NPNT: variants seen among roughly 807,000 people sequenced by gnomAD.
NPNT encodes nephronectin, also known as preosteoblast EGF-like repeat protein with MAM domain.
Under a neutral mutation model 68.6 loss-of-function variants are expected in NPNT, and 45 were observed. The ratio of observed to expected loss-of-function variants is 0.66; its 90% CI spans 0.52 to 0.84. The LOEUF (loss-of-function observed/expected upper bound fraction) is 0.84. NPNT is among the 40% of genes least tolerant of loss of function. The pLI is 0.00. For synonymous variants in NPNT, 233 were observed against 253.3 expected (o/e 0.92, Z 0.76); for missense variants, 672 against 714.8 (o/e 0.94, Z 0.68).
chr4:105,954,822 C>T (rs906462251), intron 8 of NPNT, among the ~76,000 whole-genome samples: 1 of 152,164 alleles, frequency 6.6e-6, no homozygotes, highest in African/African-American at 2.4e-5. Context: ...TAGCCAGTCC[C>T]TCACTCCCCA....
At chr4:105,960,784 A>G (rs1176295184) in intron 10 of NPNT, among the ~76,000 whole-genome samples, 2 of 149,274 alleles carry the variant, frequency 1.3e-5, no homozygotes, top group South Asian at 2.1e-4. Flanking sequence ...GTGTGTGTGT[A>G]TACAATATAA....
intron 2 of NPNT, chr4:105,912,050 T>A (rs1283371703): frequency 4.6e-6 from 3 of 656,534 alleles, no homozygotes; most frequent in African/African-American, 1.8e-5. Flanking sequence ...TGTCCTAGAT[T>A]TTTTTTTGTT....
rs1175879483 is a variant in NPNT, at chr4:105,970,507, A to G, written c.*1517A>G. 2 of 689,702 alleles carry G rather than the reference A, an allele frequency of 2.9e-6. No homozygotes were observed. Among genetic ancestry groups the G allele is most frequent in the Non-Finnish European group, 5.3e-6 (2 of 375,738 alleles). The allele number at this position is 689,702 out of a possible 1,614,324, so 42.7% of individuals were successfully genotyped here. On this transcript the variant is annotated 3_prime_UTR_variant, in exon 12 of 12. Coordinates refer to ENST00000379987, the MANE Select transcript of NPNT (RefSeq NM_001033047.3). ...CAAACCATTGATGGTTTTCAAGTAT[A>G]TGAAGGGTTGGCACAGAGAGGGTGG...
At chr4:105,912,590 G>A in intron 2 of NPNT, 4 of 992,380 alleles carry the variant, frequency 4.0e-6, no homozygotes, top group Non-Finnish European at 4.8e-6. Flanking sequence ...ACTAACACCA[G>A]CCTATCATTA....
In NPNT at chr4:105,959,220, T is replaced by A. The variant is rs112173724; in HGVS notation, c.1345+94T>A. On this transcript the variant is annotated intron_variant, in intron 10 of 11. Coordinates refer to ENST00000379987, the MANE Select transcript of NPNT (RefSeq NM_001033047.3). The stretch of plus-strand genomic sequence containing the variant: ...TGCTAATCAAGTCTACTGTAACACA[T>A]CTCTGTGTTTACTTGATAAAGATGG... The A allele has an allele frequency of 1.6e-3, 1,215 of 753,710 alleles. 7 individuals are homozygous for A. In the African/African-American group the frequency reaches 0.019, roughly 12 times the overall value. The allele number at this position is 753,710 out of a possible 1,614,324, so 46.7% of individuals were successfully genotyped here. A position where few individuals can be genotyped will look rare whatever the true frequency, so the allele number is the denominator to read the frequency against.
In NPNT at chr4:105,970,510, A is replaced by G; in HGVS notation, c.*1520A>G. On this transcript the variant is annotated 3_prime_UTR_variant, in exon 12 of 12. Transcript: ENST00000379987. ...ACCATTGATGGTTTTCAAGTATATG[A>G]AGGGTTGGCACAGAGAGGGTGGCGA... is the stretch of plus-strand genomic sequence containing the variant. 1.5e-6 allele frequency: 1 copy of G among 688,438 alleles called. No homozygotes were observed. The allele number at this position is 688,438 out of a possible 1,614,324, so 42.6% of individuals were successfully genotyped here.
intron 2 of NPNT, among the ~76,000 whole-genome samples, chr4:105,902,530 G>T (rs1268737311): frequency 6.6e-6 from 1 of 152,154 alleles, no homozygotes; most frequent in Non-Finnish European, 1.5e-5. Context: ...CTCTAATTTT[G>T]AGGTGAGAAT....
At chr4:105,968,007 A>G (rs1732309993) in intron 11 of NPNT, among the ~76,000 whole-genome samples, 1 of 152,192 alleles carries the variant, frequency 6.6e-6, no homozygotes, top group South Asian at 2.1e-4. Flanking sequence ...CTTTGATGGA[A>G]TATATAAATT....
At chr4:105,922,081 T>A (rs1398796196) in intron 2 of NPNT, among the ~76,000 whole-genome samples, 1 of 152,164 alleles carries the variant, frequency 6.6e-6, no homozygotes, top group Non-Finnish European at 1.5e-5. Context: ...CAAATGATTC[T>A]TGGAATTCTA....
chr4:105,895,699 A>T lies in NPNT; in HGVS notation c.47A>T (p.Gln16Leu), dbSNP rs1277968593. The change falls in exon 1 of 12, where the codon CAG becomes CTG. Residue 16 changes from glutamine (Q) to leucine (L), a missense_variant. Transcript: ENST00000379987. ...GTGCTGGTATCCTCGCTCTACCTGC[A>T]GGCGGCCGCCGAGTTCGACGGGAGG... is the stretch of plus-strand genomic sequence containing the variant. ...ALVLVSSLYL[Q>L]AAAEFDGRWP... The T allele has an allele frequency of 6.4e-7, 1 of 1,553,758 alleles. No homozygotes were observed. The highest frequency in any genetic ancestry group is 1.2e-5 in the South Asian group (1 of 84,202).
intron 5 of NPNT, among the ~76,000 whole-genome samples, chr4:105,938,712 T>G (rs557691956): frequency 6.6e-6 from 1 of 152,176 alleles, no homozygotes; most frequent in Non-Finnish European, 1.5e-5. Context: ...AGCTCAGTAT[T>G]CCTAGAATGT....
At chr4:105,957,560 G>A (rs1731336990) in intron 8 of NPNT, among the ~76,000 whole-genome samples, 1 of 152,166 alleles carries the variant, frequency 6.6e-6, no homozygotes, top group South Asian at 2.1e-4. Context: ...TTGAGTGCCT[G>A]TCACCAGGTC....
Position 105,921,492 on chromosome 4 carries a change from C to T in NPNT, c.173-5844C>T, listed in dbSNP as rs555021368. On this transcript the variant is annotated intron_variant, in intron 2 of 11. Transcript: ENST00000379987. ...GTTTTGAGTTCTGTATTCATGAGGG[C>T]ATTTAATGTGTCTTATAGTGATAAC... Among the ~76,000 whole-genome samples the T allele has an allele frequency of 4.6e-5, 7 of 152,270 alleles. No individual in the cohort carries two copies. The South Asian group carries it at 1.0e-3, about 23-fold the overall frequency.
chr4:105,965,479 G>A (rs779251930), intron 10 of NPNT, among the ~76,000 whole-genome samples: 10 of 151,990 alleles, frequency 6.6e-5, no homozygotes, highest in Non-Finnish European at 1.0e-4. Flanking sequence ...AAATGCATAT[G>A]CAAAGAATAC....
chr4:105,935,644 A>G (rs1475287585), intron 3 of NPNT, among the ~76,000 whole-genome samples: 1 of 152,336 alleles, frequency 6.6e-6, no homozygotes, highest in East Asian at 1.9e-4. Context: ...AGAAAATTGA[A>G]GAACGCATAG....
intron 8 of NPNT, among the ~76,000 whole-genome samples, chr4:105,958,225 T>G (rs1344182438): frequency 2.0e-5 from 3 of 152,200 alleles, no homozygotes; most frequent in Non-Finnish European, 2.9e-5. Flanking sequence ...TTTTAAGTTA[T>G]TTTTGTTGAA....
chr4:105,927,646 A>G, intron 3 of NPNT: 1 of 264,956 alleles, frequency 3.8e-6, no homozygotes, highest in African/African-American at 2.2e-5. Flanking sequence ...CTCTGATACT[A>G]ATTAAAATGT....
intron 5 of NPNT, among the ~76,000 whole-genome samples, chr4:105,938,984 G>A (rs1364574503): frequency 2.0e-5 from 3 of 152,156 alleles, no homozygotes; most frequent in East Asian, 1.9e-4. Context: ...TGAGATCATG[G>A]ATGCAAAGAG....
chr4:105,942,659 C>G lies in NPNT; in HGVS notation c.1116C>G (p.Asn372Lys), dbSNP rs747745104. 6.2e-7 allele frequency: 1 copy of G among 1,613,912 alleles called. No individual in the cohort carries two copies. The highest frequency in any genetic ancestry group is 8.5e-7 in the Non-Finnish European group (1 of 1,179,910). ...CTCCAGGAGGGATTACAGTTGACAA[C>G]AGGGTACAGACAGACCCTCAGAAAC... ...STPPGGITVD[N>K]RVQTDPQKPR... Residue 372 changes from asparagine (N) to lysine (K), a missense_variant, in exon 8 of 12, where the codon AAC (asparagine) becomes AAG (lysine). Asn to Lys is a moderately conservative substitution (Grantham distance 94, BLOSUM62 0). Coordinates refer to ENST00000379987, the MANE Select transcript of NPNT (RefSeq NM_001033047.3).
Sources: allele counts gnomAD v4.1 joint callset (sites outside exome capture counted in the v4.1 genomes callset), GRCh38; gene constraint gnomAD v4.1.1; transcripts MANE v1.5; gene names NCBI Gene and HGNC (gene_info 2026-07-23, HGNC 2026-07-21).